CDYL: variants seen among roughly 807,000 people sequenced by gnomAD.
CDYL encodes chromodomain Y-like protein.
CDYL carries 8 observed loss-of-function variants against 47.3 expected under a neutral mutation model. That is an observed-to-expected ratio of 0.17 (90% CI 0.10 to 0.31). CDYL has a LOEUF of 0.31. Ranked by LOEUF, CDYL falls within the 10% of genes least tolerant of loss-of-function variation. The pLI, the probability that CDYL is intolerant of heterozygous loss-of-function variation, is 1.00. For synonymous variants in CDYL, 266 were observed against 265.0 expected (o/e 1.00, Z -0.04); for missense variants, 471 against 701.4 (o/e 0.67, Z 3.71).
rs1292229380 is a variant in CDYL at position 4,841,945 on chromosome 6, TTTG to T, written c.25-49764_25-49762del. On this transcript the variant is annotated intron_variant, in intron 1 of 6. Coordinates refer to ENST00000397588, the MANE Select transcript of CDYL (RefSeq NM_004824.4). ...AGTTATAGTTTAAGTCCATTGTTTC[TTTG>T]TTGACTTTATATTAATATTATATTA... is the stretch of plus-strand genomic sequence containing the variant. Among the ~76,000 whole-genome samples, 13 of 147,360 alleles carry T rather than the reference TTTG, an allele frequency of 8.8e-5. 1 individual carries two copies. The highest frequency in any genetic ancestry group is 3.6e-3 in the Middle Eastern group (1 of 274).
chr6:4,770,977 AT>A (rs1325789278), intron 3 of CDYL, among the ~76,000 whole-genome samples: 2 of 152,234 alleles, frequency 1.3e-5, no homozygotes, highest in Non-Finnish European at 2.9e-5. Flanking sequence ...ATAAGCATAT[AT>A]ATACATGCCT....
chr6:4,933,809 G>T (rs1285451865), intron 2 of CDYL, among the ~76,000 whole-genome samples: 1 of 152,218 alleles, frequency 6.6e-6, no homozygotes, highest in South Asian at 2.1e-4. Context: ...GCACTGGGAT[G>T]ACAGAGGTCA....
At chr6:4,853,287 C>T (rs1232629625) in intron 1 of CDYL, among the ~76,000 whole-genome samples, 3 of 152,088 alleles carry the variant, frequency 2.0e-5, no homozygotes, top group South Asian at 2.1e-4. Flanking sequence ...TCATAACAAC[C>T]GCGAGGGTAG....
chr6:4,813,302 G>A (rs1378499992), intron 1 of CDYL, among the ~76,000 whole-genome samples: 2 of 152,222 alleles, frequency 1.3e-5, no homozygotes, highest in Admixed American at 6.5e-5. Context: ...CACCATTGAA[G>A]TATGAGCATT....
In CDYL at chr6:4,895,447, G is replaced by GTATGTATA. The variant is rs1561694023; in HGVS notation, c.691+3068_691+3069insTATGTATA. On this transcript the variant is annotated intron_variant, in intron 2 of 6. Coordinates refer to ENST00000397588, the MANE Select transcript of CDYL (RefSeq NM_004824.4). ...CATGTATACATGTATACGTATATAT[G>GTATGTATA]CATATATACATGTATACATATATAC... Among the ~76,000 whole-genome samples the GTATGTATA allele has an allele frequency of 1.9e-3, 154 of 81,218 alleles. 65 individuals are homozygous for GTATGTATA. The highest frequency in any genetic ancestry group is 6.8e-3 in the African/African-American group (150 of 22,096). The allele number at this position is 81,218 out of a possible 152,430, so 53.3% of individuals were successfully genotyped here.
intron 1 of CDYL, among the ~76,000 whole-genome samples, chr6:4,840,358 C>T (rs765424572): frequency 7.2e-5 from 11 of 152,182 alleles, no homozygotes; most frequent in Admixed American, 2.0e-4. Context: ...CAAACGGTGA[C>T]GGTTTGACTT....
chr6:4,740,837 A>C (rs1459929732), intron 3 of CDYL, among the ~76,000 whole-genome samples: 2 of 149,996 alleles, frequency 1.3e-5, no homozygotes, highest in Non-Finnish European at 3.0e-5. Context: ...CCTAGGCTGG[A>C]GTGCAGTGGT....
chr6:4,717,515 T>C (rs1247391961), intron 2 of CDYL, among the ~76,000 whole-genome samples: 10 of 151,286 alleles, frequency 6.6e-5, no homozygotes, highest in African/African-American at 2.4e-4. Context: ...TGGCCAACAA[T>C]GTGAGGCTCC....
At chr6:4,794,104 A>G (rs1759004675) in intron 1 of CDYL, among the ~76,000 whole-genome samples, 1 of 152,242 alleles carries the variant, frequency 6.6e-6, no homozygotes, top group African/African-American at 2.4e-5. Context: ...CCATGAGTGC[A>G]TTTAATCATC....
chr6:4,776,915 C>T (rs966163955), intron 1 of CDYL, 108 bp downstream of exon 1: 4 of 351,530 alleles, frequency 1.1e-5, no homozygotes, highest in Non-Finnish European at 8.0e-6. Context: ...CGCGTCCCCT[C>T]CCCCGCCGCG....
At chr6:4,814,397 G>A (rs62386584) in intron 1 of CDYL, among the ~76,000 whole-genome samples, 12,873 of 152,228 alleles carry the variant, frequency 0.085, 663 homozygotes, top group South Asian at 0.13. Context: ...TACTGTTCAT[G>A]GAGCATATGC....
chr6:4,709,011 A>C (rs914932815), intron 1 of CDYL, among the ~76,000 whole-genome samples: 7 of 151,186 alleles, frequency 4.6e-5, no homozygotes, highest in Admixed American at 6.6e-5. Context: ...TGTCTTAAAA[A>C]AAATAAAATA....
At chr6:4,790,825 T>A (rs1758897244) in intron 1 of CDYL, among the ~76,000 whole-genome samples, 1 of 152,240 alleles carries the variant, frequency 6.6e-6, no homozygotes, top group East Asian at 1.9e-4. Flanking sequence ...AAGCAATTTT[T>A]GACTGTCATC....
intron 1 of CDYL, among the ~76,000 whole-genome samples, chr6:4,819,860 G>A (rs1053133281): frequency 1.1e-4 from 17 of 152,140 alleles, no homozygotes; most frequent in African/African-American, 4.1e-4. Flanking sequence ...GCATAGGATG[G>A]CCCCACACCA....
chr6:4,733,707 A>G (rs1270414848), intron 2 of CDYL, among the ~76,000 whole-genome samples: 1 of 152,102 alleles, frequency 6.6e-6, no homozygotes, highest in African/African-American at 2.4e-5. Flanking sequence ...TTAATTTTAT[A>G]TTCGTTTAAA....
chr6:4,844,209 A>G (rs1460317137), intron 1 of CDYL, among the ~76,000 whole-genome samples: 1 of 152,176 alleles, frequency 6.6e-6, no homozygotes, highest in African/African-American at 2.4e-5. Context: ...TGTAGATACC[A>G]GCACCTGAGC....
intron 1 of CDYL, among the ~76,000 whole-genome samples, chr6:4,712,772 C>T (rs1028725344): frequency 1.3e-5 from 2 of 152,240 alleles, no homozygotes; most frequent in Non-Finnish European, 2.9e-5. Flanking sequence ...AAAGCATTCA[C>T]GACTCACGTG....
At chr6:4,889,013 G>A (rs1040705756) in intron 1 of CDYL, among the ~76,000 whole-genome samples, 1 of 152,136 alleles carries the variant, frequency 6.6e-6, no homozygotes. Flanking sequence ...CTGTGCTGGC[G>A]AGTATCCTGT....
At chr6:4,827,607 G>T (rs1170232693) in intron 1 of CDYL, among the ~76,000 whole-genome samples, 1 of 152,118 alleles carries the variant, frequency 6.6e-6, no homozygotes, top group African/African-American at 2.4e-5. Context: ...CATATTTTAT[G>T]CATTGTGTGC....
Sources: gnomAD v4.1 joint callset for allele counts (sites outside exome capture counted in the v4.1 genomes callset) on GRCh38, gnomAD v4.1.1 for gene constraint, MANE v1.5 for transcripts, NCBI Gene and HGNC (gene_info 2026-07-23, HGNC 2026-07-21) for gene names.